The following CATSPERT variants were observed in gnomAD, a reference collection of about 807,000 sequenced individuals.
CATSPERT encodes the protein cation channel sperm-associated targeting subunit tau.
At chr2:201,526,590 T>C in the CATSPERT span, among the ~76,000 whole-genome samples, 3 of 152,202 alleles carry the variant, frequency 2.0e-5, no homozygotes, top group Non-Finnish European at 4.4e-5. Flanking sequence ...AAGTAGGCTT[T>C]ATTCCTGGGA....
chr2:201,504,384 T>A, the CATSPERT span, among the ~76,000 whole-genome samples: 1 of 152,228 alleles, frequency 6.6e-6, no homozygotes, highest in East Asian at 1.9e-4. Flanking sequence ...ATACCAGAAA[T>A]AGAGCTTGGT....
At chr2:201,594,687 C>A in the CATSPERT span, among the ~76,000 whole-genome samples, 2 of 151,792 alleles carry the variant, frequency 1.3e-5, no homozygotes, top group Non-Finnish European at 2.9e-5. Flanking sequence ...TCTTTTTATT[C>A]TTTTTTCTCT....
the CATSPERT span, chr2:201,553,466 C>G: frequency 6.6e-6 from 1 of 152,112 alleles, no homozygotes; most frequent in Non-Finnish European, 1.5e-5. Context: ...ATTATCAGCT[C>G]CAACTTCCTT....
At chr2:201,495,855 T>G in the CATSPERT span, 1 of 1,311,766 alleles carries the variant, frequency 7.6e-7, no homozygotes, top group Non-Finnish European at 1.1e-6. Flanking sequence ...ACCTAGTAAT[T>G]AAGTATAATG....
chr2:201,573,885 A>G, the CATSPERT span, among the ~76,000 whole-genome samples: 1 of 152,062 alleles, frequency 6.6e-6, no homozygotes, highest in Non-Finnish European at 1.5e-5. Context: ...TCGAACTCCC[A>G]GCCTCAGGTG....
the CATSPERT span, among the ~76,000 whole-genome samples, chr2:201,501,420 G>C: frequency 3.2e-5 from 3 of 92,432 alleles, no homozygotes; most frequent in Non-Finnish European, 7.0e-5. Flanking sequence ...AAAAAAAAAA[G>C]AAAGATCTCA....
chr2:201,537,310 A>T, the CATSPERT span: 1 of 714,478 alleles, frequency 1.4e-6, no homozygotes, highest in Non-Finnish European at 2.2e-6. Context: ...GCCATAATAG[A>T]AACCATAAAA....
chr2:201,614,552 G>A, the CATSPERT span, among the ~76,000 whole-genome samples: 1 of 152,174 alleles, frequency 6.6e-6, no homozygotes, highest in Admixed American at 6.5e-5. Flanking sequence ...AAGAGCTCCT[G>A]AATGAAGCAC....
the CATSPERT span, among the ~76,000 whole-genome samples, chr2:201,575,935 C>G: frequency 6.6e-6 from 1 of 152,082 alleles, no homozygotes; most frequent in Non-Finnish European, 1.5e-5. Context: ...AACCACAAAT[C>G]AGGTAATAAT....
At chr2:201,505,961 TC>T in the CATSPERT span, among the ~76,000 whole-genome samples, 1 of 152,144 alleles carries the variant, frequency 6.6e-6, no homozygotes, top group Admixed American at 6.5e-5. Flanking sequence ...AAAAAACTAA[TC>T]TACTTATAAA....
At chr2:201,542,787 T>C in the CATSPERT span, among the ~76,000 whole-genome samples, 1 of 152,308 alleles carries the variant, frequency 6.6e-6, no homozygotes, top group Admixed American at 6.5e-5. Context: ...TACAAATATA[T>C]TCCCCCATTC....
the CATSPERT span, among the ~76,000 whole-genome samples, chr2:201,572,268 T>C: frequency 0.43 from 64,757 of 151,958 alleles, 14,418 homozygotes; most frequent in East Asian, 0.75. Flanking sequence ...AATAAACCTA[T>C]ACGGTAAGTA....
chr2:201,550,784 A>G, the CATSPERT span: 1 of 152,152 alleles, frequency 6.6e-6, no homozygotes, highest in Non-Finnish European at 1.5e-5. Flanking sequence ...TAAGTCATTC[A>G]TCTACACCAA....
the CATSPERT span, chr2:201,582,335 C>T: frequency 3.1e-6 from 3 of 970,982 alleles, no homozygotes; most frequent in African/African-American, 1.7e-5. Context: ...AATACTATTG[C>T]ATACTATATT....
At chr2:201,508,949 G>T in the CATSPERT span, among the ~76,000 whole-genome samples, 1 of 151,520 alleles carries the variant, frequency 6.6e-6, no homozygotes, top group Non-Finnish European at 1.5e-5. Flanking sequence ...ACATGGGTGT[G>T]CGAAATTTCT....
the CATSPERT span, chr2:201,537,353 T>C: frequency 8.4e-7 from 1 of 1,193,834 alleles, no homozygotes; most frequent in East Asian, 2.6e-5. Context: ...CCTTTCTCTA[T>C]CTATAAATAT....
At chr2:201,555,721 C>A in the CATSPERT span, 2 of 152,130 alleles carry the variant, frequency 1.3e-5, no homozygotes, top group Non-Finnish European at 2.9e-5. Flanking sequence ...TCAAGGACTG[C>A]AGACATTACT....
At chr2:201,505,743 G>A in the CATSPERT span, among the ~76,000 whole-genome samples, 1 of 152,144 alleles carries the variant, frequency 6.6e-6, no homozygotes, top group Non-Finnish European at 1.5e-5. Flanking sequence ...GACACAAAGA[G>A]TATATTAATG....
the CATSPERT span, among the ~76,000 whole-genome samples, chr2:201,564,842 G>GT: frequency 2.0e-5 from 3 of 152,056 alleles, no homozygotes; most frequent in Non-Finnish European, 2.9e-5. Flanking sequence ...TCAATCTATG[G>GT]TATTTGTTAT....
Sources: allele counts gnomAD v4.1 joint callset (sites outside exome capture counted in the v4.1 genomes callset), GRCh38; gene constraint gnomAD v4.1.1; transcripts MANE v1.5; gene names NCBI Gene and HGNC (gene_info 2026-07-23, HGNC 2026-07-21).